Variants in IMMP2L observed in about 807,000 individuals in gnomAD.
IMMP2L encodes the protein mitochondrial inner membrane protease subunit 2.
In IMMP2L, 18 loss-of-function variants were observed where a neutral mutation model predicts 19.3. That is an observed-to-expected ratio of 0.93 (90% CI 0.64 to 1.38). IMMP2L has a LOEUF of 1.38. IMMP2L is among the 40% of genes most tolerant of loss of function. The pLI, the probability that IMMP2L is intolerant of heterozygous loss-of-function variation, is 0.00. For missense variants in IMMP2L, 233 were observed against 218.2 expected (o/e 1.07, Z -0.43); for synonymous variants, 76 against 73.0 (o/e 1.04, Z -0.21).
At chr7:111,068,417 G>A (rs1386836564) in intron 3 of IMMP2L, among the ~76,000 whole-genome samples, 4 of 152,046 alleles carry the variant, frequency 2.6e-5, no homozygotes, top group African/African-American at 7.2e-5. Context: ...AGAAACAAGT[G>A]ATTGGTCTTC....
At chr7:111,094,473 A>G (rs1179104210) in intron 3 of IMMP2L, among the ~76,000 whole-genome samples, 1 of 152,174 alleles carries the variant, frequency 6.6e-6, no homozygotes, top group Non-Finnish European at 1.5e-5. Context: ...TGTACAGCAC[A>G]CTAAAATGTT....
At chr7:110,788,082 A>G (rs1181907333) in intron 5 of IMMP2L, among the ~76,000 whole-genome samples, 1 of 151,974 alleles carries the variant, frequency 6.6e-6, no homozygotes, top group African/African-American at 2.4e-5. Flanking sequence ...ACTAGTTTAC[A>G]AATACGCTCT....
intron 5 of IMMP2L, among the ~76,000 whole-genome samples, chr7:110,833,418 G>A (rs1451613510): frequency 4.6e-5 from 6 of 130,012 alleles, no homozygotes; most frequent in African/African-American, 1.7e-4. Flanking sequence ...CAGCCTGGGT[G>A]ACAAGAGTGA....
rs551982061 is a variant in IMMP2L, at chr7:110,999,899, C to A, written c.240-36334G>T. The stretch of plus-strand genomic sequence containing the variant: ...AGTACTAAAGCATGGTGGAGGGAAT[C>A]AAAGGTAAAGGATGAAACTTTACAA... On this transcript the variant is annotated intron_variant, in intron 3 of 5. Coordinates refer to ENST00000405709, the MANE Select transcript of IMMP2L (RefSeq NM_032549.4). Among the ~76,000 whole-genome samples the A allele has an allele frequency of 9.1e-4, 138 of 152,122 alleles. 1 individual carries two copies. The South Asian group carries it at 0.024, about 27-fold the overall frequency.
chr7:111,044,049 C>T (rs555546841), intron 3 of IMMP2L, among the ~76,000 whole-genome samples: 1 of 152,192 alleles, frequency 6.6e-6, no homozygotes, highest in African/African-American at 2.4e-5. Context: ...AATCAAAAGA[C>T]ATTATGTCAA....
At chr7:110,713,651 TG>T (rs1795044732) in intron 5 of IMMP2L, among the ~76,000 whole-genome samples, 2 of 38,102 alleles carry the variant, frequency 5.2e-5, no homozygotes, top group East Asian at 6.2e-4. Context: ...TATTTTTAGG[TG>T]TTTTTTTTTT....
At chr7:111,559,401 A>G (rs1184270791) in intron 1 of IMMP2L, among the ~76,000 whole-genome samples, 1 of 152,214 alleles carries the variant, frequency 6.6e-6, no homozygotes, top group Non-Finnish European at 1.5e-5. Flanking sequence ...TTAAGTACTC[A>G]GCTAAATACA....
chr7:111,262,478 A>C lies in IMMP2L; in HGVS notation c.239+224760T>G, dbSNP rs973735368. ...GTGCTTGTATGAGTGGGAGAAAAGA[A>C]ATGGGAGTGGGGGTTGAAGAGAAGG... On this transcript the variant is annotated intron_variant, in intron 3 of 5. Transcript: ENST00000405709. Among the ~76,000 whole-genome samples the C allele has an allele frequency of 3.4e-4, 51 of 152,066 alleles. 1 individual carries two copies. The highest frequency in any genetic ancestry group is 2.9e-3 in the Admixed American group (44 of 15,242).
At chr7:111,139,574 T>C (rs1405080539) in intron 3 of IMMP2L, among the ~76,000 whole-genome samples, 1 of 152,132 alleles carries the variant, frequency 6.6e-6, no homozygotes. Flanking sequence ...TCCAGATATA[T>C]TTTGGGAAAA....
At chr7:111,085,190 T>C (rs1202182907) in intron 3 of IMMP2L, among the ~76,000 whole-genome samples, 1 of 152,248 alleles carries the variant, frequency 6.6e-6, no homozygotes, top group Non-Finnish European at 1.5e-5. Context: ...TGTGAATTTC[T>C]TGGCATAGTG....
At chr7:111,402,991 A>ACCCCCCCCCCCCCCCCCCCCCCCCCC (rs781654530) in intron 3 of IMMP2L, among the ~76,000 whole-genome samples, 6 of 45,558 alleles carry the variant, frequency 1.3e-4, no homozygotes, top group African/African-American at 2.2e-4. Flanking sequence ...TGCAGCCTTG[A>ACCCCCCCCCCCCCCCCCCCCCCCCCC]CCCCCCCCCC....
chr7:111,295,692 T>C (rs944847187), intron 3 of IMMP2L, among the ~76,000 whole-genome samples: 3 of 151,898 alleles, frequency 2.0e-5, no homozygotes, highest in Non-Finnish European at 4.4e-5. Flanking sequence ...ACCATTGTAC[T>C]ACCATTTTAC....
intron 3 of IMMP2L, among the ~76,000 whole-genome samples, chr7:110,967,459 T>C (rs138271135): frequency 1.3e-5 from 2 of 152,110 alleles, no homozygotes; most frequent in African/African-American, 4.8e-5. Context: ...CATTCTCTTC[T>C]CCCATTTATG....
At chr7:110,988,862 T>G (rs1822136949) in intron 3 of IMMP2L, among the ~76,000 whole-genome samples, 1 of 152,082 alleles carries the variant, frequency 6.6e-6, no homozygotes, top group African/African-American at 2.4e-5. Context: ...CACATAAATA[T>G]AGTATGTTCA....
At position 111,051,507 on chromosome 7, in the gene IMMP2L, T is replaced by TA. The variant is rs562015718; in HGVS notation, c.240-87943dup. Among the ~76,000 whole-genome samples the TA allele has an allele frequency of 2.6e-5, 4 of 152,196 alleles. No homozygotes were observed. The South Asian group carries it at 6.2e-4, about 24-fold the overall frequency. On this transcript the variant is annotated intron_variant, in intron 3 of 5. Transcript: ENST00000405709. ...TCTGAAGTGTTTCAAAGCCTTTTGA[T>TA]AAAAACTCTTTATAAACAGAAGGCT... is the stretch of plus-strand genomic sequence containing the variant.
At chr7:111,561,807 G>C (rs539236390) in intron 1 of IMMP2L, 44 bp downstream of exon 1, 2 of 152,778 alleles carry the variant, frequency 1.3e-5, no homozygotes, top group South Asian at 4.2e-4. Context: ...TCGCTCTCAG[G>C]ATAAAGTCCT....
chr7:111,491,149 T>C (rs547880568), intron 2 of IMMP2L, among the ~76,000 whole-genome samples: 2 of 152,308 alleles, frequency 1.3e-5, no homozygotes, highest in South Asian at 4.1e-4. Flanking sequence ...TTCTCTTTCT[T>C]ATGATGTTCT....
intron 4 of IMMP2L, among the ~76,000 whole-genome samples, chr7:110,898,125 T>G (rs1357039265): frequency 3.3e-5 from 5 of 151,464 alleles, no homozygotes; most frequent in African/African-American, 1.2e-4. Flanking sequence ...ATATAAAAAG[T>G]AATTACAATA....
chr7:111,404,001 C>A (rs1244218029), intron 3 of IMMP2L, among the ~76,000 whole-genome samples: 1 of 152,114 alleles, frequency 6.6e-6, no homozygotes, highest in East Asian at 1.9e-4. Flanking sequence ...TACTAATTAA[C>A]TAATCCAGCA....
Sources: gnomAD v4.1 joint callset for allele counts (sites outside exome capture counted in the v4.1 genomes callset) on GRCh38, gnomAD v4.1.1 for gene constraint, MANE v1.5 for transcripts, NCBI Gene and HGNC (gene_info 2026-07-23, HGNC 2026-07-21) for gene names.